PGM3: variants seen among roughly 807,000 people sequenced by gnomAD.
PGM3 encodes the protein phosphoacetylglucosamine mutase.
A neutral mutation model predicts 66.2 loss-of-function variants in PGM3; 40 were observed. The ratio of observed to expected loss-of-function variants is 0.60; its 90% confidence interval spans 0.47 to 0.79. The LOEUF (loss-of-function observed/expected upper bound fraction) is 0.79, where lower values mean the gene tolerates loss of function less well. Among genes scored for constraint, PGM3 ranks in the 30% least tolerant of loss-of-function variants. The pLI is 0.00. For missense variants in PGM3, 537 were observed against 643.4 expected, an observed-to-expected ratio of 0.83 and a Z score of 1.79; for synonymous variants, 191 against 224.2, an observed-to-expected ratio of 0.85 and a Z score of 1.32.
In PGM3 at chr6:83,170,799, C is replaced by T. The variant is rs372580770; in HGVS notation, c.1366-321G>A. The T allele has an allele frequency of 1.4e-4, 27 of 191,918 alleles. No individual in the cohort carries two copies. In the East Asian group the frequency reaches 1.8e-3, roughly 13 times the overall value. 11.9% of individuals were successfully genotyped at this position (191,918 alleles called of 1,614,324 possible). The stretch of plus-strand genomic sequence containing the variant: ...GTGGTAGCCCATTATATAAGAAGAC[C>T]GATAAGAATTTCTTAAATATGCCAA... On this transcript the variant is annotated intron_variant, in intron 11 of 12. Coordinates refer to ENST00000513973, the MANE Select transcript of PGM3 (RefSeq NM_015599.3).
Position 83,164,899 on chromosome 6 carries a change from T to C in PGM3, c.*4335A>G. 1 of 578,818 alleles carries C rather than the reference T, an allele frequency of 1.7e-6. No homozygotes were observed. Among genetic ancestry groups the C allele is most frequent in the Non-Finnish European group, 3.1e-6 (1 of 323,854 alleles). The allele number at this position is 578,818 out of a possible 1,614,324, so 35.9% of individuals were successfully genotyped here. A position where few individuals can be genotyped will look rare whatever the true frequency, so the allele number is the denominator to read the frequency against. ...TTGTATGGAAACATTTGACTTTATT[T>C]AATATTGAGACAATACATATAGTTC... On this transcript the variant is annotated 3_prime_UTR_variant, in exon 13 of 13. Transcript: ENST00000513973.
chr6:83,176,366 G>A (rs951186751), intron 8 of PGM3, among the ~76,000 whole-genome samples: 1 of 152,206 alleles, frequency 6.6e-6, no homozygotes, highest in African/African-American at 2.4e-5. Flanking sequence ...ACAGTGTGGA[G>A]AATAGCTTAG....
chr6:83,162,636 A>G (rs1181068614), downstream of PGM3, among the ~76,000 whole-genome samples: 1 of 152,194 alleles, frequency 6.6e-6, no homozygotes, highest in Non-Finnish European at 1.5e-5. Context: ...GAGGTTAAGA[A>G]ACATACCCAA....
intron 3 of PGM3, 40 bp from the exon 4 acceptor site, chr6:83,187,115 A>C (rs371535608): frequency 2.5e-4 from 334 of 1,313,806 alleles, no homozygotes; most frequent in Admixed American, 6.1e-4. Context: ...TCCCATCCTG[A>C]AACTGGCAGG....
At chr6:83,170,630 T>C in intron 11 of PGM3, 152 bp from the exon 12 acceptor site, 1 of 637,230 alleles carries the variant, frequency 1.6e-6, no homozygotes, top group Non-Finnish European at 2.6e-6. Flanking sequence ...TTTCAACATT[T>C]GTGCAACTTT....
intron 1 of PGM3, among the ~76,000 whole-genome samples, chr6:83,191,958 C>CAAAAAAAAAAAAAAAAAAAA (rs1219337174): frequency 5.1e-5 from 2 of 39,364 alleles, no homozygotes; most frequent in African/African-American, 2.0e-4. Context: ...GACTCGGTCT[C>CAAAAAAAAAAAAAAAAAAAA]AAAAAAAAAA....
chr6:83,175,391 AATT>A, intron 9 of PGM3, among the ~76,000 whole-genome samples: 1 of 152,298 alleles, frequency 6.6e-6, no homozygotes, highest in Non-Finnish European at 1.5e-5. Flanking sequence ...TAATGAGGAA[AATT>A]ATTTGGCTTT....
intron 5 of PGM3, among the ~76,000 whole-genome samples, chr6:83,182,581 T>C (rs934470565): frequency 1.3e-5 from 2 of 152,224 alleles, no homozygotes; most frequent in African/African-American, 4.8e-5. Flanking sequence ...TGAATACTTA[T>C]GATACCATCG....
Position 83,166,955 on chromosome 6 carries a change from T to C in PGM3, c.*2279A>G. Reference sequence around the variant, plus strand: ...CTTATTTTCATTCTTTAGTGTGGAATTGTATCTGTGATTCTGCCCAAGTTC... The same window carrying C: ...CTTATTTTCATTCTTTAGTGTGGAACTGTATCTGTGATTCTGCCCAAGTTC... On this transcript the variant is annotated 3_prime_UTR_variant, in exon 13 of 13. Transcript: ENST00000513973. 1 of 986,516 alleles carries C rather than the reference T, an allele frequency of 1.0e-6. No individual in the cohort carries two copies. Among genetic ancestry groups the C allele is most frequent in the East Asian group, 1.1e-4 (1 of 8,856 alleles). The allele number at this position is 986,516 out of a possible 1,614,324, so 61.1% of individuals were successfully genotyped here. A position where few individuals can be genotyped will look rare whatever the true frequency, so the allele number is the denominator to read the frequency against.
downstream of PGM3, among the ~76,000 whole-genome samples, chr6:83,162,435 T>G (rs971075599): frequency 6.6e-6 from 1 of 152,164 alleles, no homozygotes; most frequent in African/African-American, 2.4e-5. Context: ...TACAAAGAGA[T>G]AAGCTAAATG....
At chr6:83,172,696 A>ATTT (rs1407914264) in intron 10 of PGM3, among the ~76,000 whole-genome samples, 6 of 152,072 alleles carry the variant, frequency 3.9e-5, no homozygotes, top group Admixed American at 2.0e-4. Flanking sequence ...AAACCCACTA[A>ATTT]AGGCAGGCCC....
downstream of PGM3, among the ~76,000 whole-genome samples, chr6:83,159,359 G>C (rs1442175750): frequency 6.6e-6 from 1 of 151,786 alleles, no homozygotes; most frequent in African/African-American, 2.4e-5. Flanking sequence ...TTGCAGCCTC[G>C]ACCTCCCAGG....
At chr6:83,156,557 G>A (rs1782842031), downstream of PGM3, among the ~76,000 whole-genome samples, 1 of 152,142 alleles carries the variant, frequency 6.6e-6, no homozygotes, top group Non-Finnish European at 1.5e-5. Context: ...AAGTGGGTTT[G>A]GTGACCTTCT....
the PGM3 span, chr6:83,153,806 T>A: frequency 6.3e-5 from 87 of 1,375,540 alleles, 2 homozygotes; most frequent in South Asian, 1.0e-3. Flanking sequence ...CATGTCACTG[T>A]CTTAGGTAAA....
At chr6:83,182,735 G>T in intron 5 of PGM3, 110 bp downstream of exon 5, 1 of 983,768 alleles carries the variant, frequency 1.0e-6, no homozygotes, top group Non-Finnish European at 1.5e-6. Context: ...GAGATATGCA[G>T]CATCTTTGGA....
chr6:83,166,346 T>A lies in PGM3; in HGVS notation c.*2888A>T, dbSNP rs1179251469. 1.4e-6 allele frequency: 1 copy of A among 691,956 alleles called. No homozygotes were observed. 42.9% of individuals were successfully genotyped at this position (691,956 alleles called of 1,614,324 possible). A position where few individuals can be genotyped will look rare whatever the true frequency, so the allele number is the denominator to read the frequency against. Reference sequence around the variant, plus strand: ...CGATGACTGGCCACTGCACTCCTCATCTTCAAGGCTCTAGTCTCCTTTGCA... The same window carrying A: ...CGATGACTGGCCACTGCACTCCTCAACTTCAAGGCTCTAGTCTCCTTTGCA... On this transcript the variant is annotated 3_prime_UTR_variant, in exon 13 of 13. Coordinates refer to ENST00000513973, the MANE Select transcript of PGM3 (RefSeq NM_015599.3).
chr6:83,183,748 C>T (rs1178751269), intron 4 of PGM3, among the ~76,000 whole-genome samples: 6 of 151,148 alleles, frequency 4.0e-5, no homozygotes, highest in East Asian at 3.9e-4. Flanking sequence ...TTTTTTGAGA[C>T]GGAGTTTCAC....
chr6:83,187,358 C>A (rs141894008), intron 3 of PGM3, among the ~76,000 whole-genome samples: 1 of 152,114 alleles, frequency 6.6e-6, no homozygotes, highest in Non-Finnish European at 1.5e-5. Context: ...TTTTCAAGTT[C>A]GACTACAGCA....
In PGM3 at chr6:83,178,703, A is replaced by G. The variant is rs778456708; in HGVS notation, c.999T>C (p.Ser333=). The change falls in exon 8 of 13, where the codon AGT becomes AGC. Residue 333 remains serine, a synonymous_variant. Coordinates refer to ENST00000513973, the MANE Select transcript of PGM3 (RefSeq NM_015599.3). ...TAACTTCTTCAAGATACCGTGTTGA[A>G]CTTCCATTTGCATATGCAGTTTGTA... ...GVVQTAYANG[S]STRYLEEVMK... 6 of 1,606,068 alleles carry G rather than the reference A, an allele frequency of 3.7e-6. No homozygotes were observed. Among genetic ancestry groups the G allele is most frequent in the Non-Finnish European group, 5.1e-6 (6 of 1,173,024 alleles).
Sources: gnomAD v4.1 joint callset for allele counts (sites outside exome capture counted in the v4.1 genomes callset) on GRCh38, gnomAD v4.1.1 for gene constraint, MANE v1.5 for transcripts, NCBI Gene and HGNC (gene_info 2026-07-23, HGNC 2026-07-21) for gene names.